The following SLC25A40 variants were observed in gnomAD, a reference collection of about 807,000 sequenced individuals.
SLC25A40 encodes the protein solute carrier family 25 member 40.
A neutral mutation model predicts 46.5 loss-of-function variants in SLC25A40; 41 were observed. The observed-to-expected ratio is 0.88, with a 90% CI of 0.69 to 1.14. The LOEUF is 1.14. Ranked by LOEUF, SLC25A40 falls within the 50% of genes most tolerant of loss-of-function variation. SLC25A40 has a pLI of 0.00. For missense variants in SLC25A40, 386 were observed against 393.6 expected, an observed-to-expected ratio of 0.98 and a Z score of 0.16; for synonymous variants, 126 against 127.5, an observed-to-expected ratio of 0.99 and a Z score of 0.08.
At chr7:87,868,442 A>G (rs906996630) in intron 1 of SLC25A40, among the ~76,000 whole-genome samples, 2 of 152,036 alleles carry the variant, frequency 1.3e-5, no homozygotes, top group Admixed American at 1.3e-4. Context: ...TGGAAATAAG[A>G]ATCTGATCCC....
At chr7:87,866,252 G>A (rs1838797049) in intron 1 of SLC25A40, among the ~76,000 whole-genome samples, 1 of 152,038 alleles carries the variant, frequency 6.6e-6, no homozygotes, top group Non-Finnish European at 1.5e-5. Context: ...CCTAGCTTTT[G>A]TCTAGGAAAG....
intron 5 of SLC25A40, among the ~76,000 whole-genome samples, chr7:87,851,261 T>C (rs1311120164): frequency 6.6e-6 from 1 of 152,182 alleles, no homozygotes; most frequent in African/African-American, 2.4e-5. Context: ...AATAAAATAC[T>C]GATACATACT....
intron 6 of SLC25A40, among the ~76,000 whole-genome samples, chr7:87,848,236 T>C (rs724664): frequency 3.4e-4 from 51 of 152,134 alleles, no homozygotes; most frequent in Non-Finnish European, 5.9e-4. Context: ...ACAGTTACAA[T>C]AAATAGCATT....
intron 3 of SLC25A40, among the ~76,000 whole-genome samples, chr7:87,856,840 A>C (rs1412316330): frequency 1.3e-5 from 2 of 152,208 alleles, no homozygotes; most frequent in African/African-American, 4.8e-5. Context: ...ATTTGGGCAT[A>C]GCACAGCAAA....
chr7:87,844,319 G>T (rs78110377), intron 8 of SLC25A40, among the ~76,000 whole-genome samples: 3,887 of 152,080 alleles, frequency 0.026, 72 homozygotes, highest in Non-Finnish European at 0.038. Context: ...CAAAACCATG[G>T]GATCATGTAA....
chr7:87,864,615 A>G (rs145234482), intron 1 of SLC25A40, among the ~76,000 whole-genome samples: 22 of 152,334 alleles, frequency 1.4e-4, no homozygotes, highest in African/African-American at 4.6e-4. Context: ...TATTTTACAT[A>G]TGCATAGCTA....
At chr7:87,859,396 C>T (rs931748733) in intron 2 of SLC25A40, among the ~76,000 whole-genome samples, 2 of 151,890 alleles carry the variant, frequency 1.3e-5, no homozygotes, top group Non-Finnish European at 2.9e-5. Flanking sequence ...GAGCCGAGAT[C>T]GCACCACTGC....
intron 6 of SLC25A40, among the ~76,000 whole-genome samples, chr7:87,849,673 A>C (rs1320891712): frequency 6.6e-6 from 1 of 152,126 alleles, no homozygotes; most frequent in East Asian, 1.9e-4. Flanking sequence ...GCTGTAATAA[A>C]CCGTATCTGT....
chr7:87,845,546 A>G (rs1201576732), intron 8 of SLC25A40, among the ~76,000 whole-genome samples: 1 of 152,126 alleles, frequency 6.6e-6, no homozygotes, highest in Admixed American at 6.6e-5. Context: ...ACACGCGCTC[A>G]TGCACACACA....
intron 6 of SLC25A40, among the ~76,000 whole-genome samples, chr7:87,848,219 T>A (rs1402347211): frequency 1.3e-5 from 2 of 152,168 alleles, no homozygotes; most frequent in Non-Finnish European, 2.9e-5. Context: ...TCATTCCAGT[T>A]GTAAAGACAG....
chr7:87,873,369 G>A (rs1443646287), intron 1 of SLC25A40, among the ~76,000 whole-genome samples: 3 of 151,494 alleles, frequency 2.0e-5, no homozygotes, highest in Admixed American at 1.3e-4. Flanking sequence ...AAGTTGTGGA[G>A]TAGACTGAAC....
intron 7 of SLC25A40, among the ~76,000 whole-genome samples, chr7:87,847,623 ACT>A (rs1196937529): frequency 6.6e-6 from 1 of 151,982 alleles, no homozygotes; most frequent in African/African-American, 2.4e-5. Flanking sequence ...CACTCTAAAA[ACT>A]CTGTCCATGA....
chr7:87,866,514 G>A (rs1157800172), intron 1 of SLC25A40, among the ~76,000 whole-genome samples: 1 of 152,126 alleles, frequency 6.6e-6, no homozygotes, highest in East Asian at 1.9e-4. Flanking sequence ...TATGCTGTGG[G>A]AAAGACAGTT....
chr7:87,866,172 G>A (rs992597427), intron 1 of SLC25A40, among the ~76,000 whole-genome samples: 3 of 151,796 alleles, frequency 2.0e-5, no homozygotes, highest in African/African-American at 7.3e-5. Flanking sequence ...CTTTTCACAC[G>A]TTTTTTTCCT....
chr7:87,858,884 A>T, intron 2 of SLC25A40, 133 bp from the exon 3 acceptor site: 1 of 610,932 alleles, frequency 1.6e-6, no homozygotes, highest in South Asian at 2.0e-5. Context: ...ACAGATACTG[A>T]CAGAATGAAA....
At chr7:87,861,799 A>G (rs1412944831) in intron 1 of SLC25A40, among the ~76,000 whole-genome samples, 1 of 152,182 alleles carries the variant, frequency 6.6e-6, no homozygotes, top group Non-Finnish European at 1.5e-5. Flanking sequence ...GCGCACATGA[A>G]ATTAAATCCA....
In SLC25A40 at chr7:87,876,278, C is replaced by T. The variant is rs2131031964; in HGVS notation, c.-276G>A. ...GAAGCGGCGGACCGAGAGCCCGGGT[C>T]TGAGACTGAGAGAGCAACGGAATGG... On this transcript the variant is annotated 5_prime_UTR_variant, in exon 1 of 12. Transcript: ENST00000341119. 1 of 158,168 alleles carries T rather than the reference C, an allele frequency of 6.3e-6. No individual in the cohort carries two copies. The highest frequency in any genetic ancestry group is 2.4e-5 in the African/African-American group (1 of 41,720). 9.8% of individuals were successfully genotyped at this position (158,168 alleles called of 1,614,324 possible). A position where few individuals can be genotyped will look rare whatever the true frequency, so the allele number is the denominator to read the frequency against.
At chr7:87,859,519 A>G (rs1465729247) in intron 2 of SLC25A40, among the ~76,000 whole-genome samples, 4 of 152,142 alleles carry the variant, frequency 2.6e-5, no homozygotes, top group Non-Finnish European at 4.4e-5. Flanking sequence ...ACACATACAT[A>G]TGTATATGTC....
chr7:87,837,788 T>C (rs971306540), intron 10 of SLC25A40, among the ~76,000 whole-genome samples: 1 of 151,262 alleles, frequency 6.6e-6, no homozygotes, highest in Non-Finnish European at 1.5e-5. Context: ...AAGATTTCAA[T>C]GTCTTGTTTT....
Sources: allele counts gnomAD v4.1 joint callset (sites outside exome capture counted in the v4.1 genomes callset), GRCh38; gene constraint gnomAD v4.1.1; transcripts MANE v1.5; gene names NCBI Gene and HGNC (gene_info 2026-07-23, HGNC 2026-07-21).